Variants in GLIS1 observed in about 807,000 individuals in gnomAD.
GLIS1 encodes the protein zinc finger protein GLIS1.
In GLIS1, 24 loss-of-function variants were observed where a neutral mutation model predicts 63.8. That is an observed-to-expected ratio of 0.38 (90% CI 0.27 to 0.53). GLIS1 has a LOEUF of 0.53. Ranked by LOEUF, GLIS1 falls within the 20% of genes least tolerant of loss-of-function variation. The pLI is 0.85. For missense variants in GLIS1, 1,036 were observed against 1,074.1 expected (o/e 0.96, Z 0.50); for synonymous variants, 450 against 482.5 (o/e 0.93, Z 0.88).
intron 4 of GLIS1, among the ~76,000 whole-genome samples, chr1:53,559,252 C>T (rs568711358): frequency 3.3e-4 from 51 of 152,320 alleles, no homozygotes; most frequent in Non-Finnish European, 6.6e-4. Context: ...ACTCATCCTT[C>T]CTCAGACCCT....
At chr1:53,656,206 CAG>C (rs1228999380) in intron 2 of GLIS1, among the ~76,000 whole-genome samples, 3 of 152,188 alleles carry the variant, frequency 2.0e-5, no homozygotes, top group Non-Finnish European at 4.4e-5. Flanking sequence ...GAGCCCCAAA[CAG>C]GGAGGGAGGC....
intron 2 of GLIS1, among the ~76,000 whole-genome samples, chr1:53,660,809 C>A (rs1646019317): frequency 6.6e-6 from 1 of 152,160 alleles, no homozygotes; most frequent in South Asian, 2.1e-4. Context: ...CAGGGCTCAG[C>A]AGGGAGGAGA....
chr1:53,539,617 C>G lies in GLIS1; in HGVS notation c.1321-9665G>C, dbSNP rs910626273. On this transcript the variant is annotated intron_variant, in intron 4 of 10. Transcript: ENST00000628545. The surrounding 1 kb of genome is among the most constrained non-coding windows in gnomAD (Gnocchi z 5.0). ...CCCCATGACTCATATCACAAAAACA[C>G]ACAGGCCAGGACACACATGTTCACA... 2.0e-5 allele frequency among the ~76,000 whole-genome samples: 3 copies of G among 151,994 alleles called. No individual in the cohort carries two copies. The highest frequency in any genetic ancestry group is 2.9e-5 in the Non-Finnish European group (2 of 67,994).
chr1:53,590,857 A>G (rs973693155), intron 4 of GLIS1, among the ~76,000 whole-genome samples: 1 of 152,186 alleles, frequency 6.6e-6, no homozygotes, highest in Non-Finnish European at 1.5e-5. Flanking sequence ...GGCCTGGCCT[A>G]AGGACTAAGA....
chr1:53,531,738 C>T (rs1005240410), intron 4 of GLIS1, among the ~76,000 whole-genome samples: 13 of 152,172 alleles, frequency 8.5e-5, no homozygotes, highest in Non-Finnish European at 7.4e-5. Flanking sequence ...AGAGGAGATG[C>T]CTGAGGCAGC....
At chr1:53,579,320 C>T (rs1380216000) in intron 4 of GLIS1, among the ~76,000 whole-genome samples, 1 of 152,220 alleles carries the variant, frequency 6.6e-6, no homozygotes, top group African/African-American at 2.4e-5. Flanking sequence ...CTCTCTCTGA[C>T]ACAGATCCAA....
Position 53,577,260 on chromosome 1 carries a change from C to G in GLIS1, c.1320+16848G>C, listed in dbSNP as rs116122130. Among the ~76,000 whole-genome samples the G allele has an allele frequency of 2.5e-3, 376 of 152,198 alleles. 3 individuals carry two copies. The highest frequency in any genetic ancestry group is 8.6e-3 in the African/African-American group (356 of 41,530). ...CTGACACCTCCCTATTCAGCATGCC[C>G]CAGATCAAGTCACAGCTTCCTCCCC... On this transcript the variant is annotated intron_variant, in intron 4 of 10. Transcript: ENST00000628545.
At chr1:53,554,060 G>A (rs1028144799) in intron 4 of GLIS1, among the ~76,000 whole-genome samples, 1 of 152,146 alleles carries the variant, frequency 6.6e-6, no homozygotes. Flanking sequence ...CTGGCTCCAG[G>A]CCCCTCGCCA....
chr1:53,513,160 A>G (rs1644315131), intron 8 of GLIS1, among the ~76,000 whole-genome samples: 2 of 151,944 alleles, frequency 1.3e-5, no homozygotes. Flanking sequence ...CTCATCCCTG[A>G]GGCCTCCTCC....
chr1:53,722,606 C>T (rs894336328), intron 2 of GLIS1, among the ~76,000 whole-genome samples: 3 of 152,066 alleles, frequency 2.0e-5, no homozygotes, highest in African/African-American at 4.8e-5. Flanking sequence ...TTTGGGAAGC[C>T]GAGGTGGGAG....
At chr1:53,708,626 T>G (rs1026077778) in intron 2 of GLIS1, among the ~76,000 whole-genome samples, 3 of 152,048 alleles carry the variant, frequency 2.0e-5, no homozygotes, top group African/African-American at 7.2e-5. Context: ...TTCCTGGGCA[T>G]CAAGAAGGCA....
intron 2 of GLIS1, among the ~76,000 whole-genome samples, chr1:53,702,697 A>G (rs931853835): frequency 6.6e-6 from 1 of 152,268 alleles, no homozygotes; most frequent in Non-Finnish European, 1.5e-5. Context: ...ACCCAGCCCA[A>G]TTAATGAGGA....
chr1:53,716,711 A>G (rs2100539327), intron 2 of GLIS1, among the ~76,000 whole-genome samples: 1 of 152,334 alleles, frequency 6.6e-6, no homozygotes, highest in South Asian at 2.1e-4. Flanking sequence ...TCAAAAAGAC[A>G]AAGAGCTAGG....
chr1:53,531,119 G>A (rs980137032), intron 4 of GLIS1, among the ~76,000 whole-genome samples: 1 of 152,252 alleles, frequency 6.6e-6, no homozygotes, highest in African/African-American at 2.4e-5. Context: ...AAGGCCAGGT[G>A]GCTCTGCTAT....
At chr1:53,689,555 A>T (rs1646379162) in intron 2 of GLIS1, among the ~76,000 whole-genome samples, 2 of 152,050 alleles carry the variant, frequency 1.3e-5, no homozygotes, top group African/African-American at 4.8e-5. Context: ...CTGCACTGTG[A>T]CCTTTCTGCC....
chr1:53,730,133 G>A (rs1646845442), intron 2 of GLIS1, among the ~76,000 whole-genome samples: 1 of 152,100 alleles, frequency 6.6e-6, no homozygotes, highest in Non-Finnish European at 1.5e-5. Flanking sequence ...ACTCCGCGGA[G>A]GCCTATTCTC....
Position 53,522,293 on chromosome 1 carries a change from T to A in GLIS1, c.1594-1527A>T, listed in dbSNP as rs374408185. 3.9e-5 allele frequency among the ~76,000 whole-genome samples: 6 copies of A among 152,354 alleles called. No homozygotes were observed. The South Asian group carries it at 1.2e-3, about 32-fold the overall frequency. On this transcript the variant is annotated intron_variant, in intron 6 of 10. Transcript: ENST00000628545. ...AGAAAGATACATCATCCCTGATGGCTCTTAATGGATGCTTATTGTTGGGAA... is the reference window on the plus strand; with the variant it reads ...AGAAAGATACATCATCCCTGATGGCACTTAATGGATGCTTATTGTTGGGAA...
chr1:53,574,714 C>T lies in GLIS1; in HGVS notation c.1320+19394G>A, dbSNP rs1450906949. Among the ~76,000 whole-genome samples, 1 of 152,234 alleles carries T rather than the reference C, an allele frequency of 6.6e-6. No individual in the cohort carries two copies. Among genetic ancestry groups the T allele is most frequent in the East Asian group, 1.9e-4 (1 of 5,196 alleles). Reference sequence around the variant, plus strand: ...AAGCAGCCCCACCTGGGCCTTGTGTCTAAGCCACATTTGTCATTCCAGCTG... The same window carrying T: ...AAGCAGCCCCACCTGGGCCTTGTGTTTAAGCCACATTTGTCATTCCAGCTG... On this transcript the variant is annotated intron_variant, in intron 4 of 10. Transcript: ENST00000628545. The surrounding 1 kb of genome is among the most constrained non-coding windows in gnomAD (Gnocchi z 4.2).
At chr1:53,714,921 TTATTTATTTATG>T (rs1478548663) in intron 2 of GLIS1, among the ~76,000 whole-genome samples, 2 of 152,188 alleles carry the variant, frequency 1.3e-5, no homozygotes, top group Non-Finnish European at 2.9e-5. Context: ...ATTTTTATTT[TTATTTATTTATG>T]TATTTATTTA....
Sources: allele counts gnomAD v4.1 joint callset (sites outside exome capture counted in the v4.1 genomes callset), GRCh38; gene constraint gnomAD v4.1.1; non-coding constraint Gnocchi (gnomAD v3.1); transcripts MANE v1.5; gene names NCBI Gene and HGNC (gene_info 2026-07-23, HGNC 2026-07-21).